Variants in UBE2QL1 observed in about 807,000 individuals in gnomAD.
The protein encoded by UBE2QL1 is ubiquitin conjugating enzyme E2 QL1, also known as ubiquitin-conjugating enzyme E2Q-like protein 1.
A neutral mutation model predicts 12.6 loss-of-function variants in UBE2QL1; 5 were observed. The observed-to-expected ratio is 0.40, with a 90% CI of 0.21 to 0.83. UBE2QL1 has a LOEUF of 0.83. UBE2QL1 is among the 40% of genes least tolerant of loss of function. The probability of loss-of-function intolerance (pLI) is 0.37; values close to 1 mark genes in which losing one functional copy is unlikely to be tolerated. For missense variants in UBE2QL1, 99 were observed against 222.6 expected, an observed-to-expected ratio of 0.44 and a Z score of 3.53; for synonymous variants, 96 against 94.5, an observed-to-expected ratio of 1.02 and a Z score of -0.10.
chr5:6,464,334 C>G (rs1739738276), intron 1 of UBE2QL1, among the ~76,000 whole-genome samples: 1 of 152,036 alleles, frequency 6.6e-6, no homozygotes, highest in Non-Finnish European at 1.5e-5. Context: ...ATTTACAATC[C>G]CATATCAAAA....
At chr5:6,467,035 T>C (rs1739811589) in intron 1 of UBE2QL1, among the ~76,000 whole-genome samples, 2 of 152,204 alleles carry the variant, frequency 1.3e-5, no homozygotes, top group African/African-American at 4.8e-5. Flanking sequence ...AACTTAATGT[T>C]AGGGGTGTCA....
intron 1 of UBE2QL1, among the ~76,000 whole-genome samples, chr5:6,452,303 C>G (rs1423961063): frequency 6.6e-6 from 1 of 152,180 alleles, no homozygotes; most frequent in East Asian, 1.9e-4. Flanking sequence ...ACCAAAATCT[C>G]TTGCATGTTG....
chr5:6,480,427 C>T (rs913699380), intron 1 of UBE2QL1, among the ~76,000 whole-genome samples: 3 of 152,190 alleles, frequency 2.0e-5, no homozygotes, highest in African/African-American at 4.8e-5. Flanking sequence ...ACAGCCACCA[C>T]GATGTCACTA....
chr5:6,452,008 C>T (rs184198634), intron 1 of UBE2QL1, among the ~76,000 whole-genome samples: 4 of 152,222 alleles, frequency 2.6e-5, no homozygotes, highest in South Asian at 2.1e-4. Context: ...TGATACTTCT[C>T]GGGATTTCTT....
rs1734654389 is a variant in UBE2QL1 at position 6,495,662 on chromosome 5, A to G, written c.*4313A>G. On this transcript the variant is annotated 3_prime_UTR_variant, in exon 2 of 2. Coordinates refer to ENST00000399816, the MANE Select transcript of UBE2QL1 (RefSeq NM_001145161.3). ...CACCCACAGGATCCATTCTGTGCCC[A>G]AAGCAAATTGGAGCAAAGGGCAGAA... Among the ~76,000 whole-genome samples the G allele has an allele frequency of 6.6e-6, 1 of 152,202 alleles. No homozygotes were observed. Among genetic ancestry groups the G allele is most frequent in the African/African-American group, 2.4e-5 (1 of 41,450 alleles).
At chr5:6,463,479 G>A (rs1739717033) in intron 1 of UBE2QL1, among the ~76,000 whole-genome samples, 1 of 151,986 alleles carries the variant, frequency 6.6e-6, no homozygotes, top group African/African-American at 2.4e-5. Context: ...GGTGCAGACT[G>A]CAAACGCCCT....
chr5:6,468,898 C>A (rs1056689660), intron 1 of UBE2QL1, among the ~76,000 whole-genome samples: 2 of 152,176 alleles, frequency 1.3e-5, no homozygotes, highest in Non-Finnish European at 1.5e-5. Flanking sequence ...TCTTGTTTTA[C>A]TCAGAAGTAG....
At chr5:6,472,719 C>T (rs541925463) in intron 1 of UBE2QL1, among the ~76,000 whole-genome samples, 1 of 152,204 alleles carries the variant, frequency 6.6e-6, no homozygotes, top group African/African-American at 2.4e-5. Flanking sequence ...AATATTTTCT[C>T]CCCAAATTTT....
rs114381384 is a variant in UBE2QL1, at chr5:6,455,609, G to A, written c.354+6362G>A. 6.0e-3 allele frequency among the ~76,000 whole-genome samples: 909 copies of A among 152,252 alleles called. 11 individuals carry two copies. The highest frequency in any genetic ancestry group is 0.02 in the African/African-American group (839 of 41,546). ...TCAGTACCAGGGCTGTCCCCTCAAAGACTCAGACTTTGTGGTCTAGGATCA... is the reference window on the plus strand; with the variant it reads ...TCAGTACCAGGGCTGTCCCCTCAAAAACTCAGACTTTGTGGTCTAGGATCA... On this transcript the variant is annotated intron_variant, in intron 1 of 1. Coordinates refer to ENST00000399816, the MANE Select transcript of UBE2QL1 (RefSeq NM_001145161.3).
At position 6,496,709 on chromosome 5, in the gene UBE2QL1, C is replaced by A. The variant is rs942268293; in HGVS notation, c.*5360C>A. On this transcript the variant is annotated 3_prime_UTR_variant, in exon 2 of 2. Transcript: ENST00000399816. ...AAAATAAAACTTTAAAACCAATAAA[C>A]GTCTTTACACGGAATGCTTGCTGTG... Among the ~76,000 whole-genome samples, 1 of 152,028 alleles carries A rather than the reference C, an allele frequency of 6.6e-6. No homozygotes were observed. The highest frequency in any genetic ancestry group is 2.4e-5 in the African/African-American group (1 of 41,396).
In UBE2QL1 at chr5:6,491,138, C is replaced by G. The variant is rs1259907930; in HGVS notation, c.355-80C>G. On this transcript the variant is annotated intron_variant, in intron 1 of 1. Transcript: ENST00000399816. Reference sequence around the variant, plus strand: ...TCAGACATCAGAAATCCCCACGACTCTGTGTGTTTTTAATAAAGATGGTAG... The same window carrying G: ...TCAGACATCAGAAATCCCCACGACTGTGTGTGTTTTTAATAAAGATGGTAG... 4 of 1,425,436 alleles carry G rather than the reference C, an allele frequency of 2.8e-6. 1 individual carries two copies. In the South Asian group the frequency reaches 5.9e-5, roughly 21 times the overall value. 88.3% of individuals were successfully genotyped at this position (1,425,436 alleles called of 1,614,324 possible).
intron 1 of UBE2QL1, among the ~76,000 whole-genome samples, chr5:6,470,554 A>G (rs1412727805): frequency 6.6e-6 from 1 of 152,196 alleles, no homozygotes; most frequent in Non-Finnish European, 1.5e-5. Context: ...ACAGGCATAC[A>G]TGATTTTTTC....
Position 6,469,580 on chromosome 5 carries a change from A to G in UBE2QL1, c.354+20333A>G, listed in dbSNP as rs143120015. Among the ~76,000 whole-genome samples, 485 of 144,508 alleles carry G rather than the reference A, an allele frequency of 3.4e-3. 3 individuals carry two copies. The highest frequency in any genetic ancestry group is 0.01 in the East Asian group (51 of 5,056). 94.8% of individuals were successfully genotyped at this position (144,508 alleles called of 152,430 possible). A position where few individuals can be genotyped will look rare whatever the true frequency, so the allele number is the denominator to read the frequency against. Reference sequence around the variant, plus strand: ...AATCTAAGTGTGTGTGTGTGTGTGTATATATATACACACACACACTAAGGC... The same window carrying G: ...AATCTAAGTGTGTGTGTGTGTGTGTGTATATATACACACACACACTAAGGC... On this transcript the variant is annotated intron_variant, in intron 1 of 1. Transcript: ENST00000399816.
chr5:6,460,980 A>G (rs944725162), intron 1 of UBE2QL1, among the ~76,000 whole-genome samples: 4 of 152,240 alleles, frequency 2.6e-5, no homozygotes, highest in Admixed American at 1.3e-4. Flanking sequence ...AATTATCACA[A>G]GTCACACAGA....
chr5:6,477,673 C>G (rs1045052822), intron 1 of UBE2QL1, among the ~76,000 whole-genome samples: 1 of 152,166 alleles, frequency 6.6e-6, no homozygotes, highest in African/African-American at 2.4e-5. Context: ...TCCAGCAGGA[C>G]GCGGGTGTGT....
At chr5:6,484,668 G>C (rs1734430774) in intron 1 of UBE2QL1, among the ~76,000 whole-genome samples, 1 of 152,028 alleles carries the variant, frequency 6.6e-6, no homozygotes. Flanking sequence ...AGTCTCCCGG[G>C]TTGCACTTCA....
In UBE2QL1 at chr5:6,479,108, G is replaced by A. The variant is rs988985721; in HGVS notation, c.355-12110G>A. Reference sequence around the variant, plus strand: ...GAGGCGTGGCAGGGTGGAGGCAGCCGTGGGCATCTAGGGACACACAGCACG... The same window carrying A: ...GAGGCGTGGCAGGGTGGAGGCAGCCATGGGCATCTAGGGACACACAGCACG... On this transcript the variant is annotated intron_variant, in intron 1 of 1. Transcript: ENST00000399816. This position sits in a 1 kb window ranked among gnomAD's most constrained non-coding sequence, Gnocchi z 4.2. Among the ~76,000 whole-genome samples, 3 of 152,140 alleles carry A rather than the reference G, an allele frequency of 2.0e-5. No individual in the cohort carries two copies. Among genetic ancestry groups the A allele is most frequent in the South Asian group, 2.1e-4 (1 of 4,798 alleles).
intron 1 of UBE2QL1, among the ~76,000 whole-genome samples, chr5:6,458,442 C>T (rs1039126006): frequency 2.6e-5 from 4 of 152,152 alleles, no homozygotes; most frequent in Non-Finnish European, 4.4e-5. Context: ...TATGGAGTTA[C>T]AGAACTTATT....
rs6898811 is a variant in UBE2QL1 at position 6,493,463 on chromosome 5, C to G, written c.*2114C>G. On this transcript the variant is annotated 3_prime_UTR_variant, in exon 2 of 2. Coordinates refer to ENST00000399816, the MANE Select transcript of UBE2QL1 (RefSeq NM_001145161.3). Reference sequence around the variant, plus strand: ...CTGATTGAAAAACAGGTTCACGGTGCTCTCTGAGAACTGCACCAAGGGGTG... The same window carrying G: ...CTGATTGAAAAACAGGTTCACGGTGGTCTCTGAGAACTGCACCAAGGGGTG... 38,610 of 152,102 alleles carry G rather than the reference C, an allele frequency of 0.25. 10,026 individuals carry two copies. The highest frequency in any genetic ancestry group is 0.67 in the African/African-American group (27,808 of 41,446). 9.4% of individuals were successfully genotyped at this position (152,102 alleles called of 1,614,324 possible). A position where few individuals can be genotyped will look rare whatever the true frequency, so the allele number is the denominator to read the frequency against.
Sources: gnomAD v4.1 joint callset for allele counts (sites outside exome capture counted in the v4.1 genomes callset) on GRCh38, gnomAD v4.1.1 for gene constraint, Gnocchi (gnomAD v3.1) non-coding constraint, MANE v1.5 for transcripts, NCBI Gene and HGNC (gene_info 2026-07-23, HGNC 2026-07-21) for gene names.